Variants in RRAS observed in about 807,000 individuals in gnomAD.
RRAS encodes the protein RAS related.
A neutral mutation model predicts 23.3 loss-of-function variants in RRAS; 18 were observed. The ratio of observed to expected loss-of-function variants is 0.77; its 90% CI spans 0.53 to 1.15. RRAS has a LOEUF of 1.15. Among genes scored for constraint, RRAS ranks in the 50% most tolerant of loss-of-function variants. The pLI is 0.00. For synonymous variants in RRAS, 133 were observed against 138.3 expected (o/e 0.96, Z 0.27); for missense variants, 291 against 317.1 (o/e 0.92, Z 0.62).
In RRAS at chr19:49,639,989, C is replaced by A; in HGVS notation, c.110G>T (p.Gly37Val). 2 of 1,587,490 alleles carry A rather than the reference C, an allele frequency of 1.3e-6. No individual in the cohort carries two copies. The highest frequency in any genetic ancestry group is 1.7e-6 in the Non-Finnish European group (2 of 1,173,456). ...SETHKLVVVGGGGVGKSALTI... is the reference protein window; with the variant it reads ...SETHKLVVVGVGGVGKSALTI... The stretch of plus-strand genomic sequence containing the variant: ...CAGCGCGCTCTTGCCCACGCCGCCG[C>A]CGCCCACGACCACCAGCTTGTGTGT... Residue 37 changes from glycine (G) to valine (V), a missense_variant, in exon 1 of 6, where the codon GGC (glycine) becomes GTC (valine). Physicochemically the swap from Gly to Val is moderately radical, Grantham distance 109. Coordinates refer to ENST00000246792, the MANE Select transcript of RRAS (RefSeq NM_006270.5).
Position 49,640,115 on chromosome 19 carries a change from C to G in RRAS, c.-17G>C. The stretch of plus-strand genomic sequence containing the variant: ...GCTGCTCATGTCGCCACCGCTGCTG[C>G]TGCCTTCGCTACCGCCTGCGGGGGA... On this transcript the variant is annotated 5_prime_UTR_variant, in exon 1 of 6. Transcript: ENST00000246792. 1 of 1,369,896 alleles carries G rather than the reference C, an allele frequency of 7.3e-7. No individual in the cohort carries two copies. The highest frequency in any genetic ancestry group is 9.3e-7 in the Non-Finnish European group (1 of 1,072,338). The allele number at this position is 1,369,896 out of a possible 1,614,324, so 84.9% of individuals were successfully genotyped here. A position where few individuals can be genotyped will look rare whatever the true frequency, so the allele number is the denominator to read the frequency against.
At position 49,637,143 on chromosome 19, in the gene RRAS, G is replaced by A. The variant is rs533665234; in HGVS notation, c.154-13C>T. 1 of 1,602,754 alleles carries A rather than the reference G, an allele frequency of 6.2e-7. No individual in the cohort carries two copies. Among genetic ancestry groups the A allele is most frequent in the East Asian group, 2.2e-5 (1 of 44,578 alleles). ...ACACGAAGTAGGACTGGCGGGGTGG[G>A]GAGAGGATAGTTACTGCAGTGCCCC... On this transcript the variant is annotated splice_polypyrimidine_tract_variant and intron_variant, in intron 1 of 5. Coordinates refer to ENST00000246792, the MANE Select transcript of RRAS (RefSeq NM_006270.5).
chr19:49,637,460 C>T (rs2081002402), intron 1 of RRAS, among the ~76,000 whole-genome samples: 1 of 152,042 alleles, frequency 6.6e-6, no homozygotes, highest in Admixed American at 6.6e-5. Flanking sequence ...GCATGCGCCA[C>T]CACACCTGGC....
Position 49,637,115 on chromosome 19 carries a change from C to A in RRAS, c.169G>T (p.Asp57Tyr). 1 of 1,612,956 alleles carries A rather than the reference C, an allele frequency of 6.2e-7. No homozygotes were observed. Among genetic ancestry groups the A allele is most frequent in the Non-Finnish European group, 8.5e-7 (1 of 1,179,764 alleles). The change falls in exon 2 of 6, where the codon GAC becomes TAC. Residue 57 changes from aspartate to tyrosine, a missense_variant. Physicochemically the swap from Asp to Tyr is radical, Grantham distance 160. Transcript: ENST00000246792. ...GAGTCCTCAATAGTGGGGTCGTAGT[C>A]AGACACGAAGTAGGACTGGCGGGGT... The part of the protein sequence containing the change: ...IQFIQSYFVS[D>Y]YDPTIEDSYT...
At position 49,640,040 on chromosome 19, in the gene RRAS, C is replaced by T. The variant is rs1368484682; in HGVS notation, c.59G>A (p.Gly20Glu). Residue 20 changes from glycine (G) to glutamate (E), a missense_variant, in exon 1 of 6, where the codon GGG (glycine) becomes GAG (glutamate). Coordinates refer to ENST00000246792, the MANE Select transcript of RRAS (RefSeq NM_006270.5). ...CTCGCTGGGCGGGGGGTCCCCGGGC[C>T]CAGGTCCCCCGCCCCGGGGCCGCCC... ...GRGRPRGGGP[G>E]PGDPPPSETH... The T allele has an allele frequency of 2.0e-6, 3 of 1,522,996 alleles. No homozygotes were observed. The highest frequency in any genetic ancestry group is 4.1e-5 in the Admixed American group (2 of 48,484). 94.3% of individuals were successfully genotyped at this position (1,522,996 alleles called of 1,614,324 possible).
rs11400258 is a variant in RRAS, at chr19:49,637,301, C to CTTTTTTTTTTTTTTTTTTTTT, written c.154-192_154-172dup. ...CTCTGTCCCGTCTGTCTCTCTGAGT[C>CTTTTTTTTTTTTTTTTTTTTT]TTTTTTTTTTTTTTTTTTTTTTGAG... On this transcript the variant is annotated intron_variant, in intron 1 of 5. Transcript: ENST00000246792. Among the ~76,000 whole-genome samples the CTTTTTTTTTTTTTTTTTTTTT allele has an allele frequency of 1.9e-5, 2 of 104,114 alleles. 1 individual carries two copies. Among genetic ancestry groups the CTTTTTTTTTTTTTTTTTTTTT allele is most frequent in the Non-Finnish European group, 3.8e-5 (2 of 53,264 alleles). The allele number at this position is 104,114 out of a possible 152,430, so 68.3% of individuals were successfully genotyped here. A position where few individuals can be genotyped will look rare whatever the true frequency, so the allele number is the denominator to read the frequency against.
chr19:49,638,516 T>C (rs1176423737), intron 1 of RRAS, among the ~76,000 whole-genome samples: 1 of 151,878 alleles, frequency 6.6e-6, no homozygotes, highest in East Asian at 1.9e-4. Flanking sequence ...ATGTGGAGGC[T>C]AGGGGTCTGA....
intron 1 of RRAS, among the ~76,000 whole-genome samples, chr19:49,639,087 G>A (rs2081010085): frequency 6.6e-6 from 1 of 152,044 alleles, no homozygotes. Flanking sequence ...CAGGGCCAGG[G>A]TCTGGGTAGA....
intron 5 of RRAS, 29 bp from the exon 6 acceptor site, chr19:49,635,689 T>G: frequency 2.0e-6 from 3 of 1,494,840 alleles, no homozygotes; most frequent in African/African-American, 1.4e-5. Flanking sequence ...GAGTTTGGAG[T>G]GGAAGGGCTG....
intron 1 of RRAS, among the ~76,000 whole-genome samples, chr19:49,638,713 G>A (rs1479131313): frequency 2.0e-5 from 3 of 152,094 alleles, no homozygotes; most frequent in Non-Finnish European, 4.4e-5. Flanking sequence ...GGTTTTGGGA[G>A]GTTATAGTAT....
At chr19:49,638,072 C>G (rs902536731) in intron 1 of RRAS, among the ~76,000 whole-genome samples, 4 of 152,260 alleles carry the variant, frequency 2.6e-5, no homozygotes, top group East Asian at 3.9e-4. Flanking sequence ...CTGCTTCCTC[C>G]CTCTCTTCCT....
rs541974206 is a variant in RRAS at position 49,635,485 on chromosome 19, T to C, written c.*91A>G. The C allele has an allele frequency of 2.1e-5, 16 of 754,958 alleles. No homozygotes were observed. The highest frequency in any genetic ancestry group is 1.6e-4 in the African/African-American group (9 of 56,246). 46.8% of individuals were successfully genotyped at this position (754,958 alleles called of 1,614,324 possible). A position where few individuals can be genotyped will look rare whatever the true frequency, so the allele number is the denominator to read the frequency against. Reference sequence around the variant, plus strand: ...GTCCTGGGAGACCCAGATGAGGAAATTGAGGCTCAGTGAGGGCCTCAGGTC... The same window carrying C: ...GTCCTGGGAGACCCAGATGAGGAAACTGAGGCTCAGTGAGGGCCTCAGGTC... On this transcript the variant is annotated 3_prime_UTR_variant, in exon 6 of 6. Coordinates refer to ENST00000246792, the MANE Select transcript of RRAS (RefSeq NM_006270.5).
chr19:49,636,688 C>G lies in RRAS; in HGVS notation c.384G>C (p.Arg128=). ...EVGKLFTQIL[R]VKDRDDFPVV... The stretch of plus-strand genomic sequence containing the variant: ...CGGGGAAGTCGTCGCGGTCCTTGAC[C>G]CGCAGAATCTGCGTGAAGAGCTTGC... The change falls in exon 4 of 6, where the codon CGG becomes CGC. Residue 128 remains arginine, a synonymous_variant. Transcript: ENST00000246792. This position sits in a 1 kb window ranked among gnomAD's most constrained non-coding sequence, Gnocchi z 4.5. 1 of 1,614,136 alleles carries G rather than the reference C, an allele frequency of 6.2e-7. No homozygotes were observed. The highest frequency in any genetic ancestry group is 1.1e-5 in the South Asian group (1 of 91,092).
chr19:49,637,901 T>G (rs1396925699), intron 1 of RRAS, among the ~76,000 whole-genome samples: 1 of 151,996 alleles, frequency 6.6e-6, no homozygotes, highest in East Asian at 1.9e-4. Context: ...ACTTCCCCTC[T>G]CTGAGCCTCA....
Position 49,636,688 on chromosome 19 carries a change from C to T in RRAS, c.384G>A (p.Arg128=). 1 of 1,614,136 alleles carries T rather than the reference C, an allele frequency of 6.2e-7. No homozygotes were observed. The highest frequency in any genetic ancestry group is 1.3e-5 in the African/African-American group (1 of 75,048). The change falls in exon 4 of 6, where the codon CGG becomes CGA. Residue 128 remains arginine (R), a synonymous_variant. Transcript: ENST00000246792. This position sits in a 1 kb window ranked among gnomAD's most constrained non-coding sequence, Gnocchi z 4.5. ...CGGGGAAGTCGTCGCGGTCCTTGAC[C>T]CGCAGAATCTGCGTGAAGAGCTTGC... ...EVGKLFTQIL[R]VKDRDDFPVV...
In RRAS at chr19:49,640,073, G is replaced by T; in HGVS notation, c.26C>A (p.Thr9Lys). ...CCCGCCCCGGGGCCGCCCCCGCCCT[G>T]TCCCGGACGCCGCCCCGCTGCTCAT... MSSGAASG[T>K]GRGRPRGGGP... The change falls in exon 1 of 6, where the codon ACA becomes AAA. Residue 9 changes from threonine (T) to lysine (K), a missense_variant. Physicochemically the swap from Thr to Lys is moderately conservative, Grantham distance 78. Coordinates refer to ENST00000246792, the MANE Select transcript of RRAS (RefSeq NM_006270.5). 7.1e-7 allele frequency: 1 copy of T among 1,417,096 alleles called. No individual in the cohort carries two copies. The allele number at this position is 1,417,096 out of a possible 1,614,324, so 87.8% of individuals were successfully genotyped here. A position where few individuals can be genotyped will look rare whatever the true frequency, so the allele number is the denominator to read the frequency against.
At position 49,636,469 on chromosome 19, in the gene RRAS, CCA is replaced by C; in HGVS notation, c.453+148_453+149del. On this transcript the variant is annotated intron_variant, in intron 4 of 5. Transcript: ENST00000246792. The surrounding 1 kb of genome is among the most constrained non-coding windows in gnomAD (Gnocchi z 4.5). ...CGGTGATGCCGGGGACCCTGAAGGTCCAGTTTGGGGGTAACCCATCTAGGTGA... is the reference window on the plus strand; with the variant it reads ...CGGTGATGCCGGGGACCCTGAAGGTCGTTTGGGGGTAACCCATCTAGGTGA... 1.5e-6 allele frequency: 1 copy of C among 669,566 alleles called. No homozygotes were observed. The highest frequency in any genetic ancestry group is 2.7e-6 in the Non-Finnish European group (1 of 370,824). The allele number at this position is 669,566 out of a possible 1,614,324, so 41.5% of individuals were successfully genotyped here.
In RRAS at chr19:49,639,982, G is replaced by T; in HGVS notation, c.117C>A (p.Gly39=). ...THKLVVVGGG[G]VGKSALTIQF... ...GGATGGTCAGCGCGCTCTTGCCCACGCCGCCGCCGCCCACGACCACCAGCT... is the reference window on the plus strand; with the variant it reads ...GGATGGTCAGCGCGCTCTTGCCCACTCCGCCGCCGCCCACGACCACCAGCT... The change falls in exon 1 of 6, where the codon GGC becomes GGA. Residue 39 remains glycine, a synonymous_variant. Coordinates refer to ENST00000246792, the MANE Select transcript of RRAS (RefSeq NM_006270.5). 1.3e-6 allele frequency: 2 copies of T among 1,586,132 alleles called. No individual in the cohort carries two copies.
chr19:49,636,936 C>T lies in RRAS; in HGVS notation c.242-10G>A. 1 of 1,612,960 alleles carries T rather than the reference C, an allele frequency of 6.2e-7. No homozygotes were observed. The highest frequency in any genetic ancestry group is 8.5e-7 in the Non-Finnish European group (1 of 1,179,658). ...CCCGCGGTGTCCAGGACTGCAGAGA[C>T]AGGGAGAGGGGCCATCGTGGGGACC... is the stretch of plus-strand genomic sequence containing the variant. On this transcript the variant is annotated splice_polypyrimidine_tract_variant and intron_variant, in intron 2 of 5. Transcript: ENST00000246792. This position sits in a 1 kb window ranked among gnomAD's most constrained non-coding sequence, Gnocchi z 4.5.
Sources: gnomAD v4.1 joint callset for allele counts (sites outside exome capture counted in the v4.1 genomes callset) on GRCh38, gnomAD v4.1.1 for gene constraint, Gnocchi (gnomAD v3.1) non-coding constraint, MANE v1.5 for transcripts, NCBI Gene and HGNC (gene_info 2026-07-23, HGNC 2026-07-21) for gene names.